UNC13C: variants seen among roughly 807,000 people sequenced by gnomAD.
The protein encoded by UNC13C is unc-13 homolog C, also known as protein unc-13 homolog C.
Under a neutral mutation model 245.4 loss-of-function variants are expected in UNC13C, and 174 were observed. The ratio of observed to expected loss-of-function variants is 0.71; its 90% confidence interval spans 0.63 to 0.80. The LOEUF is 0.80. Among genes scored for constraint, UNC13C ranks in the 30% least tolerant of loss-of-function variants. The pLI, the probability that UNC13C is intolerant of heterozygous loss-of-function variation, is 0.00. For synonymous variants in UNC13C, 992 were observed against 895.1 expected (o/e 1.11, Z -1.93); for missense variants, 2,829 against 2,602.9 (o/e 1.09, Z -1.89).
Position 54,525,426 on chromosome 15 carries a change from A to G in UNC13C, c.5458-123A>G, listed in dbSNP as rs77473135. 17 of 579,844 alleles carry G rather than the reference A, an allele frequency of 2.9e-5. No homozygotes were observed. The South Asian group carries it at 5.9e-4, about 20-fold the overall frequency. 35.9% of individuals were successfully genotyped at this position (579,844 alleles called of 1,614,324 possible). A position where few individuals can be genotyped will look rare whatever the true frequency, so the allele number is the denominator to read the frequency against. ...ATTTCAAAGACCAAAAAAAAAAAAA[A>G]AGAAGAGAAAAAAGCTTACATGTTG... On this transcript the variant is annotated intron_variant, in intron 24 of 32. Coordinates refer to ENST00000260323, the MANE Select transcript of UNC13C (RefSeq NM_001080534.3).
upstream of UNC13C, among the ~76,000 whole-genome samples, chr15:53,973,225 C>T (rs538830099): frequency 2.6e-5 from 4 of 152,084 alleles, no homozygotes; most frequent in East Asian, 3.9e-4. Flanking sequence ...CCTCTGGAAA[C>T]GTCGCCATTA....
intron 1 of UNC13C, among the ~76,000 whole-genome samples, chr15:54,003,266 A>T (rs1339084465): frequency 6.6e-6 from 1 of 152,180 alleles, no homozygotes; most frequent in African/African-American, 2.4e-5. Context: ...TAACAAAAAA[A>T]CTCATCTTTG....
Position 54,268,631 on chromosome 15 carries a change from G to A in UNC13C, c.3818+3135G>A, listed in dbSNP as rs1218928365. Among the ~76,000 whole-genome samples the A allele has an allele frequency of 2.0e-5, 3 of 152,064 alleles. No homozygotes were observed. In the East Asian group the frequency reaches 5.8e-4, roughly 29 times the overall value. ...GTGCTTTGGATCTTGCTTTTCAAAT[G>A]TGTTAAATGGGAATGAAATAGTGCT... On this transcript the variant is annotated intron_variant, in intron 10 of 32. Coordinates refer to ENST00000260323, the MANE Select transcript of UNC13C (RefSeq NM_001080534.3).
chr15:54,204,547 A>G (rs2034649560), intron 4 of UNC13C, among the ~76,000 whole-genome samples: 1 of 152,016 alleles, frequency 6.6e-6, no homozygotes, highest in African/African-American at 2.4e-5. Context: ...TTCTCTCTCA[A>G]TTTGTCTACA....
At chr15:54,582,844 ATTAC>A (rs1898268321) in intron 30 of UNC13C, among the ~76,000 whole-genome samples, 1 of 152,192 alleles carries the variant, frequency 6.6e-6, no homozygotes, top group Non-Finnish European at 1.5e-5. Context: ...GACCATTTAT[ATTAC>A]TTAAGTAATG....
intron 10 of UNC13C, among the ~76,000 whole-genome samples, chr15:54,265,789 G>T (rs1392921151): frequency 6.6e-6 from 1 of 151,912 alleles, no homozygotes; most frequent in Non-Finnish European, 1.5e-5. Context: ...TCTATAACTT[G>T]CGATGACCCA....
rs1317526167 is a variant in UNC13C, at chr15:54,154,693, G to A, written c.3071+11009G>A. On this transcript the variant is annotated intron_variant, in intron 4 of 32. Coordinates refer to ENST00000260323, the MANE Select transcript of UNC13C (RefSeq NM_001080534.3). ...CACTTTGATCTTCATAGTTGTTCAGGGAACCATGCTGACAGAGGCTTTGCC... is the reference window on the plus strand; with the variant it reads ...CACTTTGATCTTCATAGTTGTTCAGAGAACCATGCTGACAGAGGCTTTGCC... Among the ~76,000 whole-genome samples, 3 of 152,210 alleles carry A rather than the reference G, an allele frequency of 2.0e-5. No homozygotes were observed. The East Asian group carries it at 5.8e-4, about 29-fold the overall frequency.
At chr15:54,349,548 A>G (rs1442800881) in intron 17 of UNC13C, among the ~76,000 whole-genome samples, 1 of 152,194 alleles carries the variant, frequency 6.6e-6, no homozygotes, top group Non-Finnish European at 1.5e-5. Context: ...TCTAAGTAAA[A>G]TATTAAATAT....
chr15:54,153,964 T>C (rs1419107296), intron 4 of UNC13C, among the ~76,000 whole-genome samples: 1 of 152,084 alleles, frequency 6.6e-6, no homozygotes, highest in Non-Finnish European at 1.5e-5. Flanking sequence ...GGTATTTTGA[T>C]TTATTCATAT....
At chr15:54,248,723 T>G (rs948606262) in intron 7 of UNC13C, among the ~76,000 whole-genome samples, 2 of 152,210 alleles carry the variant, frequency 1.3e-5, no homozygotes, top group South Asian at 2.1e-4. Context: ...GTAGACTCAC[T>G]TGAAGTATAA....
chr15:54,362,029 G>A (rs146456820), intron 17 of UNC13C, among the ~76,000 whole-genome samples: 1 of 152,116 alleles, frequency 6.6e-6, no homozygotes, highest in Non-Finnish European at 1.5e-5. Context: ...TATGGCCAGG[G>A]ATTTGGGCCT....
chr15:54,021,230 A>G (rs1229715092), intron 2 of UNC13C, among the ~76,000 whole-genome samples: 1 of 152,142 alleles, frequency 6.6e-6, no homozygotes, highest in Admixed American at 6.5e-5. Context: ...TGAGATATAC[A>G]ATGTTATTAT....
At chr15:54,259,588 G>A (rs1019500578) in intron 8 of UNC13C, among the ~76,000 whole-genome samples, 9 of 152,298 alleles carry the variant, frequency 5.9e-5, no homozygotes, top group Non-Finnish European at 7.4e-5. Context: ...CCCACAATAC[G>A]TGGGAATTAT....
At chr15:53,972,862 G>A in the UNC13C span, 6 of 152,092 alleles carry the variant, frequency 3.9e-5, no homozygotes, top group Admixed American at 2.6e-4. Flanking sequence ...GTGTACATAC[G>A]TATTTAAGAC....
intron 17 of UNC13C, among the ~76,000 whole-genome samples, chr15:54,363,776 T>A (rs1009199582): frequency 1.3e-5 from 2 of 152,186 alleles, no homozygotes; most frequent in Admixed American, 6.5e-5. Flanking sequence ...AGAATTCATT[T>A]ACAAAAATAT....
At chr15:54,169,282 T>C (rs1464944642) in intron 4 of UNC13C, among the ~76,000 whole-genome samples, 1 of 152,252 alleles carries the variant, frequency 6.6e-6, no homozygotes, top group Non-Finnish European at 1.5e-5. Context: ...ATCTGATGGC[T>C]ATACGTTTAC....
chr15:53,893,528 G>A, the UNC13C span, among the ~76,000 whole-genome samples: 1 of 152,212 alleles, frequency 6.6e-6, no homozygotes, highest in Non-Finnish European at 1.5e-5. Context: ...TGGGGCTGCT[G>A]CCTTTTTTTC....
chr15:54,264,218 A>G lies in UNC13C; in HGVS notation c.3499A>G (p.Ile1167Val). 1.9e-6 allele frequency: 3 copies of G among 1,594,298 alleles called. No individual in the cohort carries two copies. Among genetic ancestry groups the G allele is most frequent in the Non-Finnish European group, 2.6e-6 (3 of 1,169,732 alleles). ...TGGTGCCGAAGACAAGACTCAGACC[A>G]TTATTACAGCAATGAAAGAAAGAAT... ...KHGAEDKTQT[I>V]ITAMKERMKI... Residue 1167 changes from isoleucine (I) to valine (V), a missense_variant, in exon 9 of 33, where the codon ATT becomes GTT. Coordinates refer to ENST00000260323, the MANE Select transcript of UNC13C (RefSeq NM_001080534.3).
intron 2 of UNC13C, among the ~76,000 whole-genome samples, chr15:54,132,178 C>T (rs749127386): frequency 1.1e-4 from 16 of 150,284 alleles, no homozygotes; most frequent in Non-Finnish European, 2.2e-4. Flanking sequence ...TTATGCCGTT[C>T]TCCTCCCTCA....
Sources: gnomAD v4.1 joint callset for allele counts (sites outside exome capture counted in the v4.1 genomes callset) on GRCh38, gnomAD v4.1.1 for gene constraint, MANE v1.5 for transcripts, NCBI Gene and HGNC (gene_info 2026-07-23, HGNC 2026-07-21) for gene names.